Variants in ZC3H3 observed in about 807,000 individuals in gnomAD.
The protein encoded by ZC3H3 is zinc finger CCCH-type containing 3.
Under a neutral mutation model 77.3 loss-of-function variants are expected in ZC3H3, and 36 were observed. That is an observed-to-expected ratio of 0.47 (90% CI 0.36 to 0.61). The LOEUF is 0.61. Among genes scored for constraint, ZC3H3 ranks in the 20% least tolerant of loss-of-function variants. ZC3H3 has a pLI of 0.00. For synonymous variants in ZC3H3, 626 were observed against 555.2 expected (o/e 1.13, Z -1.79); for missense variants, 1,331 against 1,312.2 (o/e 1.01, Z -0.22).
intron 3 of ZC3H3, among the ~76,000 whole-genome samples, chr8:143,522,638 G>A (rs923702971): frequency 1.3e-5 from 2 of 151,958 alleles, no homozygotes; most frequent in African/African-American, 4.8e-5. Context: ...AATATATTGG[G>A]CTGGGTGCAG....
At position 143,462,012 on chromosome 8, in the gene ZC3H3, AG is replaced by A. The variant is rs1820278540; in HGVS notation, c.2307+3704del. 2.0e-5 allele frequency among the ~76,000 whole-genome samples: 3 copies of A among 152,020 alleles called. No individual in the cohort carries two copies. In the South Asian group the frequency reaches 6.3e-4, roughly 32 times the overall value. ...TTTTAAAGCTGACACCACAGATCAAAGGGTTAGATCACCGTTGAGGGAAAGC... is the reference window on the plus strand; with the variant it reads ...TTTTAAAGCTGACACCACAGATCAAAGGTTAGATCACCGTTGAGGGAAAGC... On this transcript the variant is annotated intron_variant, in intron 9 of 11. Transcript: ENST00000262577. This position sits in a 1 kb window ranked among gnomAD's most constrained non-coding sequence, Gnocchi z 4.7.
rs1172039157 is a variant in ZC3H3, at chr8:143,494,754, A to C, written c.1715+12992T>G. Among the ~76,000 whole-genome samples the C allele has an allele frequency of 1.3e-5, 2 of 152,172 alleles. No individual in the cohort carries two copies. The highest frequency in any genetic ancestry group is 2.9e-5 in the Non-Finnish European group (2 of 68,022). On this transcript the variant is annotated intron_variant, in intron 4 of 11. Coordinates refer to ENST00000262577, the MANE Select transcript of ZC3H3 (RefSeq NM_015117.3). The surrounding 1 kb of genome is among the most constrained non-coding windows in gnomAD (Gnocchi z 5.3). ...GAACAAAGGCCTCATTCCACCAGGT[A>C]AGGCTGGCTCAGCAAGGTGGGGAAG...
At chr8:143,520,416 C>T (rs997889143) in intron 3 of ZC3H3, among the ~76,000 whole-genome samples, 1 of 152,218 alleles carries the variant, frequency 6.6e-6, no homozygotes, top group Non-Finnish European at 1.5e-5. Flanking sequence ...GGTGGTGGAG[C>T]CGATGGCCAG....
intron 9 of ZC3H3, among the ~76,000 whole-genome samples, chr8:143,450,953 T>G (rs1214783120): frequency 1.3e-5 from 2 of 152,154 alleles, no homozygotes; most frequent in Non-Finnish European, 2.9e-5. Context: ...TGTCTGCAAC[T>G]TTTTGGTAAA....
At chr8:143,524,463 C>T (rs1236305874) in intron 3 of ZC3H3, among the ~76,000 whole-genome samples, 1 of 152,240 alleles carries the variant, frequency 6.6e-6, no homozygotes, top group Non-Finnish European at 1.5e-5. Flanking sequence ...GCCGAGGGGC[C>T]AAGAGCTCAC....
intron 3 of ZC3H3, among the ~76,000 whole-genome samples, chr8:143,509,126 C>T (rs911364524): frequency 6.6e-6 from 1 of 152,188 alleles, no homozygotes; most frequent in Non-Finnish European, 1.5e-5. Flanking sequence ...AGGCACCTGT[C>T]AGCCTGCACA....
At chr8:143,529,755 G>A (rs543464022) in intron 3 of ZC3H3, among the ~76,000 whole-genome samples, 1 of 152,310 alleles carries the variant, frequency 6.6e-6, no homozygotes, top group East Asian at 1.9e-4. Context: ...CCTGCTCTGG[G>A]GCTGGGGGAA....
In ZC3H3 at chr8:143,536,372, G is replaced by A. The variant is rs140758730; in HGVS notation, c.1446C>T (p.Leu482=). 3 of 1,596,164 alleles carry A rather than the reference G, an allele frequency of 1.9e-6. No individual in the cohort carries two copies. The highest frequency in any genetic ancestry group is 2.6e-6 in the Non-Finnish European group (3 of 1,171,214). ...TCAGGACAGGGCTGCTCTTCCCCCT[G>A]AGGGCCTGTCTCCGCCGGAGGCTGA... ...SHLSLRRRQA[L]RGKSSPVLKK... is the part of the protein sequence containing the mutation. The change falls in exon 3 of 12, where the codon CTC becomes CTT. Residue 482 remains leucine, a synonymous_variant. Coordinates refer to ENST00000262577, the MANE Select transcript of ZC3H3 (RefSeq NM_015117.3).
rs537342510 is a variant in ZC3H3 at position 143,460,661 on chromosome 8, G to A, written c.2307+5056C>T. 4.3e-4 allele frequency among the ~76,000 whole-genome samples: 66 copies of A among 152,172 alleles called. No homozygotes were observed. Among genetic ancestry groups the A allele is most frequent in the Non-Finnish European group, 7.2e-4 (49 of 68,028 alleles). ...AGTAGCCACATAACCACCAGCACACGAAGGAACTAACAAAACGCAGTGCAC... is the reference window on the plus strand; with the variant it reads ...AGTAGCCACATAACCACCAGCACACAAAGGAACTAACAAAACGCAGTGCAC... On this transcript the variant is annotated intron_variant, in intron 9 of 11. Coordinates refer to ENST00000262577, the MANE Select transcript of ZC3H3 (RefSeq NM_015117.3). This position sits in a 1 kb window ranked among gnomAD's most constrained non-coding sequence, Gnocchi z 4.0.
At chr8:143,466,638 G>A (rs1215993554) in intron 8 of ZC3H3, among the ~76,000 whole-genome samples, 1 of 152,154 alleles carries the variant, frequency 6.6e-6, no homozygotes, top group African/African-American at 2.4e-5. Context: ...TGCCCCTCAT[G>A]GGCCACCACG....
intron 4 of ZC3H3, among the ~76,000 whole-genome samples, chr8:143,505,410 C>A (rs1221920808): frequency 6.6e-6 from 1 of 152,208 alleles, no homozygotes; most frequent in East Asian, 1.9e-4. Flanking sequence ...TAAACAACCC[C>A]GAGCCCAGGC....
At chr8:143,469,242 G>A (rs1390553235) in intron 5 of ZC3H3, among the ~76,000 whole-genome samples, 2 of 152,184 alleles carry the variant, frequency 1.3e-5, no homozygotes, top group Non-Finnish European at 2.9e-5. Context: ...CAGGACCCGC[G>A]GGGTCACTTA....
At position 143,521,064 on chromosome 8, in the gene ZC3H3, T is replaced by C. The variant is rs146423135; in HGVS notation, c.1562-13165A>G. Among the ~76,000 whole-genome samples, 363 of 152,030 alleles carry C rather than the reference T, an allele frequency of 2.4e-3. 1 individual carries two copies. Among genetic ancestry groups the C allele is most frequent in the African/African-American group, 8.1e-3 (336 of 41,450 alleles). On this transcript the variant is annotated intron_variant, in intron 3 of 11. Coordinates refer to ENST00000262577, the MANE Select transcript of ZC3H3 (RefSeq NM_015117.3). The stretch of plus-strand genomic sequence containing the variant: ...GCTGCAAACAGCTGGCCTGGGGCAG[T>C]GAAACAGACCCTGGGAGGGGCAGGC...
At chr8:143,524,015 G>A (rs1822334283) in intron 3 of ZC3H3, among the ~76,000 whole-genome samples, 1 of 152,250 alleles carries the variant, frequency 6.6e-6, no homozygotes, top group African/African-American at 2.4e-5. Context: ...GCCAGCGGGG[G>A]AGGGCGCAAG....
intron 3 of ZC3H3, among the ~76,000 whole-genome samples, chr8:143,525,003 G>C (rs1348978263): frequency 2.1e-5 from 1 of 46,636 alleles, no homozygotes; most frequent in Admixed American, 2.4e-4. Context: ...CAGCTAACTT[G>C]ACACTTGATG....
At chr8:143,526,563 C>A (rs978042838) in intron 3 of ZC3H3, among the ~76,000 whole-genome samples, 1 of 152,204 alleles carries the variant, frequency 6.6e-6, no homozygotes, top group Admixed American at 6.5e-5. Context: ...TGGACTCTGA[C>A]CACACCCAGC....
chr8:143,439,301 G>A (rs373420672), intron 11 of ZC3H3, among the ~76,000 whole-genome samples: 1 of 152,142 alleles, frequency 6.6e-6, no homozygotes, highest in South Asian at 2.1e-4. Flanking sequence ...TGTGCTCAGC[G>A]GAGCTGTTGC....
rs538452288 is a variant in ZC3H3, at chr8:143,493,525, G to C, written c.1715+14221C>G. ...GCAGGCTCGGGGGGATGCCAGCTCA[G>C]CCCTGCTGCCATGGGCACTGCCAAG... On this transcript the variant is annotated intron_variant, in intron 4 of 11. Transcript: ENST00000262577. This position sits in a 1 kb window ranked among gnomAD's most constrained non-coding sequence, Gnocchi z 4.8. Among the ~76,000 whole-genome samples the C allele has an allele frequency of 1.1e-4, 17 of 152,306 alleles. No homozygotes were observed. The highest frequency in any genetic ancestry group is 3.8e-4 in the African/African-American group (16 of 41,570).
intron 4 of ZC3H3, among the ~76,000 whole-genome samples, chr8:143,491,682 C>T (rs796899295): frequency 2.0e-5 from 3 of 152,222 alleles, no homozygotes; most frequent in Admixed American, 6.5e-5. Context: ...CTGCCACCGT[C>T]GCCCAGCAGG....
Sources: gnomAD v4.1 joint callset for allele counts (sites outside exome capture counted in the v4.1 genomes callset) on GRCh38, gnomAD v4.1.1 for gene constraint, Gnocchi (gnomAD v3.1) non-coding constraint, MANE v1.5 for transcripts, NCBI Gene and HGNC (gene_info 2026-07-23, HGNC 2026-07-21) for gene names.